The following CBX6 variants were observed in gnomAD, a reference collection of about 807,000 sequenced individuals.
CBX6 encodes chromobox protein homolog 6.
In CBX6, 7 loss-of-function variants were observed where a neutral mutation model predicts 28.4. That is an observed-to-expected ratio of 0.25 (90% CI 0.14 to 0.46). The LOEUF is 0.46. Ranked by LOEUF, CBX6 falls within the 20% of genes least tolerant of loss-of-function variation. CBX6 has a pLI of 0.99. For synonymous variants in CBX6, 297 were observed against 273.4 expected, an observed-to-expected ratio of 1.09 and a Z score of -0.85; for missense variants, 512 against 606.1, an observed-to-expected ratio of 0.84 and a Z score of 1.63.
intron 4 of CBX6, 27 bp from the exon 5 acceptor site, chr22:38,867,228 G>GGGGGGGGGGGGGGGCC: frequency 3.5e-5 from 18 of 518,826 alleles, no homozygotes; most frequent in East Asian, 1.5e-4. Flanking sequence ...GGGTGGGTGG[G>GGGGGGGGGGGGGGGCC]ACCTCAGGAC....
In CBX6 at chr22:38,866,862, C is replaced by A. The variant is rs781638970; in HGVS notation, c.586G>T (p.Ala196Ser). ...GAGGGGACTTTGGGGCGGGCCAGCG[C>A]CCCGGCCCCCTGCCCGGCGCCCCCG... ...GGGGAGQGAGALARPKVPSRN... is the reference protein window; with the variant it reads ...GGGGAGQGAGSLARPKVPSRN... Residue 196 changes from alanine to serine, a missense_variant, in exon 5 of 5, where the codon GCG becomes TCG. Ala to Ser is a moderately conservative substitution (Grantham distance 99). This residue lies in a region of CBX6 where 290 missense variants were observed against 274.1 expected (regional missense o/e 1.06). Coordinates refer to ENST00000407418, the MANE Select transcript of CBX6 (RefSeq NM_014292.5). The surrounding 1 kb of genome is among the most constrained non-coding windows in gnomAD (Gnocchi z 7.5). The A allele has an allele frequency of 1.9e-6, 3 of 1,604,952 alleles. No individual in the cohort carries two copies. Among genetic ancestry groups the A allele is most frequent in the Non-Finnish European group, 2.5e-6 (3 of 1,176,556 alleles).
rs779275191 is a variant in CBX6 at position 38,866,331 on chromosome 22, C to T, written c.1117G>A (p.Val373Ile). 8 of 1,613,872 alleles carry T rather than the reference C, an allele frequency of 5.0e-6. No individual in the cohort carries two copies. The highest frequency in any genetic ancestry group is 6.8e-6 in the Non-Finnish European group (8 of 1,180,002). Reference sequence around the variant, plus strand: ...GTGACCGTCAGGAGGTTGCTGGTGACATCGGTGACGACCACATTGGAGCAG... The same window carrying T: ...GTGACCGTCAGGAGGTTGCTGGTGATATCGGTGACGACCACATTGGAGCAG... ...SPCSNVVVTD[V>I]TSNLLTVTIK... Residue 373 changes from valine (V) to isoleucine (I), a missense_variant, in exon 5 of 5, where the codon GTC becomes ATC. Physicochemically the swap from Val to Ile is conservative, Grantham distance 29. Coordinates refer to ENST00000407418, the MANE Select transcript of CBX6 (RefSeq NM_014292.5). This position sits in a 1 kb window ranked among gnomAD's most constrained non-coding sequence, Gnocchi z 7.5.
chr22:38,868,624 G>A (rs1179569841), intron 4 of CBX6, among the ~76,000 whole-genome samples: 1 of 152,108 alleles, frequency 6.6e-6, no homozygotes, highest in South Asian at 2.1e-4. Context: ...CAAGGGGCGT[G>A]GGTTTTAGAG....
chr22:38,872,075 C>T lies in CBX6; in HGVS notation c.69+47G>A. 7.7e-7 allele frequency: 1 copy of T among 1,303,644 alleles called. No homozygotes were observed. The allele number at this position is 1,303,644 out of a possible 1,614,324, so 80.8% of individuals were successfully genotyped here. A position where few individuals can be genotyped will look rare whatever the true frequency, so the allele number is the denominator to read the frequency against. ...GCTTCGCCCCGAGGGCCCCCGGCCCCGGCCCCGGCTGCGGACAGCGGCGGC... is the reference window on the plus strand; with the variant it reads ...GCTTCGCCCCGAGGGCCCCCGGCCCTGGCCCCGGCTGCGGACAGCGGCGGC... On this transcript the variant is annotated intron_variant, in intron 1 of 4. Coordinates refer to ENST00000407418, the MANE Select transcript of CBX6 (RefSeq NM_014292.5). The surrounding 1 kb of genome is among the most constrained non-coding windows in gnomAD (Gnocchi z 5.0).
At chr22:38,869,230 C>A (rs1212647750) in intron 4 of CBX6, among the ~76,000 whole-genome samples, 3 of 152,316 alleles carry the variant, frequency 2.0e-5, no homozygotes. Context: ...TGCAAACTGC[C>A]TGAGCTTCCT....
rs760632368 is a variant in CBX6 at position 38,872,203 on chromosome 22, C to T, written c.-13G>A. On this transcript the variant is annotated 5_prime_UTR_variant, in exon 1 of 5. Coordinates refer to ENST00000407418, the MANE Select transcript of CBX6 (RefSeq NM_014292.5). The surrounding 1 kb of genome is among the most constrained non-coding windows in gnomAD (Gnocchi z 5.0). ...CAGACAGCTCCATCTTGCTCAGCGG[C>T]ACCCACAGCCCATAATACTCCCTGC... 1 of 1,385,308 alleles carries T rather than the reference C, an allele frequency of 7.2e-7. No homozygotes were observed. Among genetic ancestry groups the T allele is most frequent in the Non-Finnish European group, 9.5e-7 (1 of 1,049,280 alleles). The allele number at this position is 1,385,308 out of a possible 1,614,324, so 85.8% of individuals were successfully genotyped here.
rs768569312 is a variant in CBX6, at chr22:38,866,619, C to G, written c.829G>C (p.Gly277Arg). The G allele has an allele frequency of 7.2e-7, 1 of 1,385,804 alleles. No homozygotes were observed. The highest frequency in any genetic ancestry group is 9.5e-7 in the Non-Finnish European group (1 of 1,057,966). 85.8% of individuals were successfully genotyped at this position (1,385,804 alleles called of 1,614,324 possible). The change falls in exon 5 of 5, where the codon GGC (glycine) becomes CGC (arginine). Residue 277 changes from glycine (G) to arginine (R), a missense_variant. This residue lies in a region of CBX6 where 290 missense variants were observed against 274.1 expected (regional missense o/e 1.06). Transcript: ENST00000407418. The surrounding 1 kb of genome is among the most constrained non-coding windows in gnomAD (Gnocchi z 7.5). ...GACTGTGGTGTAGGCGAGGGGCAGC[C>G]GGAGGAGCCAGAGCTGCGGGCGTCG... ...PYDARSSGSS[G>R]CPSPTPQSSD...
intron 4 of CBX6, among the ~76,000 whole-genome samples, chr22:38,868,748 G>A (rs1016958287): frequency 2.6e-5 from 4 of 152,112 alleles, no homozygotes; most frequent in Non-Finnish European, 5.9e-5. Context: ...AGGTCCATGA[G>A]GGTGGGATCT....
In CBX6 at chr22:38,867,340, G is replaced by T. The variant is rs902873925; in HGVS notation, c.247-139C>A. Reference sequence around the variant, plus strand: ...ATTTAAGATAATCACTGGTCTTCATGACCTCGACTTAGAAAAGGAAACAGA... The same window carrying T: ...ATTTAAGATAATCACTGGTCTTCATTACCTCGACTTAGAAAAGGAAACAGA... On this transcript the variant is annotated intron_variant, in intron 4 of 4. Coordinates refer to ENST00000407418, the MANE Select transcript of CBX6 (RefSeq NM_014292.5). 8 of 770,220 alleles carry T rather than the reference G, an allele frequency of 1.0e-5. No homozygotes were observed. In the Admixed American group the frequency reaches 1.5e-4, roughly 14 times the overall value. The allele number at this position is 770,220 out of a possible 1,614,324, so 47.7% of individuals were successfully genotyped here.
rs1043400826 is a variant in CBX6, at chr22:38,864,960, C to T, written c.*1249G>A. The T allele has an allele frequency of 6.6e-6, 1 of 152,336 alleles. No individual in the cohort carries two copies. Among genetic ancestry groups the T allele is most frequent in the Non-Finnish European group, 1.5e-5 (1 of 68,116 alleles). 9.4% of individuals were successfully genotyped at this position (152,336 alleles called of 1,614,324 possible). On this transcript the variant is annotated 3_prime_UTR_variant, in exon 5 of 5. Coordinates refer to ENST00000407418, the MANE Select transcript of CBX6 (RefSeq NM_014292.5). ...TGGCCTCTGCCACTGGCACGGGTGC[C>T]TCAGCTCCCAGGCAGCAGAGGGAAA... is the stretch of plus-strand genomic sequence containing the variant.
rs928050222 is a variant in CBX6 at position 38,862,004 on chromosome 22, A to G, written c.*4205T>C. 6.6e-6 allele frequency: 1 copy of G among 152,266 alleles called. No homozygotes were observed. The allele number at this position is 152,266 out of a possible 1,614,324, so 9.4% of individuals were successfully genotyped here. A position where few individuals can be genotyped will look rare whatever the true frequency, so the allele number is the denominator to read the frequency against. ...CCTTTGTGTTTTTAAATTAAAACCA[A>G]CAAAAAGAAGTCTCCCTCTCCACTC... On this transcript the variant is annotated 3_prime_UTR_variant, in exon 5 of 5. Transcript: ENST00000407418.
rs764875072 is a variant in CBX6 at position 38,871,578 on chromosome 22, A to T, written c.180-32T>A. The T allele has an allele frequency of 6.8e-6, 11 of 1,613,302 alleles. No individual in the cohort carries two copies. In the East Asian group the frequency reaches 2.5e-4, roughly 36 times the overall value. ...CCGAAAAACACCAGAGGTTAAAAAG[A>T]GCCCCTTCCCGGGCCCCACTCCGCG... On this transcript the variant is annotated intron_variant, in intron 3 of 4. Transcript: ENST00000407418. The surrounding 1 kb of genome is among the most constrained non-coding windows in gnomAD (Gnocchi z 5.6).
chr22:38,866,132 G>T lies in CBX6; in HGVS notation c.*77C>A. ...AAAGCACAGGGAGAGAGGGCTGGGG[G>T]CAAGGGTGGGGTGGGAGCAAGAGTA... On this transcript the variant is annotated 3_prime_UTR_variant, in exon 5 of 5. Transcript: ENST00000407418. The surrounding 1 kb of genome is among the most constrained non-coding windows in gnomAD (Gnocchi z 7.5). The T allele has an allele frequency of 9.5e-7, 1 of 1,048,492 alleles. No individual in the cohort carries two copies. The highest frequency in any genetic ancestry group is 1.4e-6 in the Non-Finnish European group (1 of 721,916). 64.9% of individuals were successfully genotyped at this position (1,048,492 alleles called of 1,614,324 possible). A position where few individuals can be genotyped will look rare whatever the true frequency, so the allele number is the denominator to read the frequency against.
In CBX6 at chr22:38,870,335, C is replaced by T. The variant is rs1164356065; in HGVS notation, c.246+1145G>A. 6.6e-6 allele frequency: 1 copy of T among 152,232 alleles called. No homozygotes were observed. The highest frequency in any genetic ancestry group is 1.9e-4 in the East Asian group (1 of 5,204). The allele number at this position is 152,232 out of a possible 1,614,324, so 9.4% of individuals were successfully genotyped here. ...ATTAGGCCCACAGCCAGCTCAGGAA[C>T]CAAAAGAACTATCAAGAAAAAAAGG... On this transcript the variant is annotated intron_variant, in intron 4 of 4. Transcript: ENST00000407418. This position sits in a 1 kb window ranked among gnomAD's most constrained non-coding sequence, Gnocchi z 4.3.
At chr22:38,869,974 C>T (rs1217720417) in intron 4 of CBX6, 1 of 152,204 alleles carries the variant, frequency 6.6e-6, no homozygotes, top group Non-Finnish European at 1.5e-5. Context: ...TCTCCATAGC[C>T]CCTCACAAAC....
rs763474622 is a variant in CBX6 at position 38,871,568 on chromosome 22, G to A, written c.180-22C>T. On this transcript the variant is annotated intron_variant, in intron 3 of 4. Coordinates refer to ENST00000407418, the MANE Select transcript of CBX6 (RefSeq NM_014292.5). This position sits in a 1 kb window ranked among gnomAD's most constrained non-coding sequence, Gnocchi z 5.6. ...CTCCCTGCGGCCGAAAAACACCAGA[G>A]GTTAAAAAGAGCCCCTTCCCGGGCC... 8 of 1,613,646 alleles carry A rather than the reference G, an allele frequency of 5.0e-6. No homozygotes were observed. Among genetic ancestry groups the A allele is most frequent in the Non-Finnish European group, 6.8e-6 (8 of 1,179,762 alleles).
rs1181895566 is a variant in CBX6 at position 38,863,332 on chromosome 22, C to G, written c.*2877G>C. On this transcript the variant is annotated 3_prime_UTR_variant, in exon 5 of 5. Coordinates refer to ENST00000407418, the MANE Select transcript of CBX6 (RefSeq NM_014292.5). ...TAAGGGGAGATGACGGATGCCCCAA[C>G]CAATATTGAACGTAGGAGGAGATTG... 1 of 152,124 alleles carries G rather than the reference C, an allele frequency of 6.6e-6. No individual in the cohort carries two copies. The highest frequency in any genetic ancestry group is 1.5e-5 in the Non-Finnish European group (1 of 68,032). 9.4% of individuals were successfully genotyped at this position (152,124 alleles called of 1,614,324 possible).
Position 38,871,266 on chromosome 22 carries a change from A to G in CBX6, c.246+214T>C. ...GGTTTCAACAGGGAGGATTATCCCC[A>G]GTCCCAAAACCCTCTTGTTGAAGCT... On this transcript the variant is annotated intron_variant, in intron 4 of 4. Coordinates refer to ENST00000407418, the MANE Select transcript of CBX6 (RefSeq NM_014292.5). The surrounding 1 kb of genome is among the most constrained non-coding windows in gnomAD (Gnocchi z 5.6). 3.2e-6 allele frequency: 2 copies of G among 633,788 alleles called. No homozygotes were observed. Among genetic ancestry groups the G allele is most frequent in the South Asian group, 1.8e-5 (1 of 55,506 alleles). The allele number at this position is 633,788 out of a possible 1,614,324, so 39.3% of individuals were successfully genotyped here.
chr22:38,865,413 G>A lies in CBX6; in HGVS notation c.*796C>T, dbSNP rs1203916590. The A allele has an allele frequency of 6.5e-6, 1 of 152,800 alleles. No individual in the cohort carries two copies. The highest frequency in any genetic ancestry group is 1.5e-5 in the Non-Finnish European group (1 of 68,142). 9.5% of individuals were successfully genotyped at this position (152,800 alleles called of 1,614,324 possible). On this transcript the variant is annotated 3_prime_UTR_variant, in exon 5 of 5. Coordinates refer to ENST00000407418, the MANE Select transcript of CBX6 (RefSeq NM_014292.5). ...AAAGGGTGCCACCCGGCAGCCTGGGGCCTAGCACCCAATGCATGTATGAAC... is the reference window on the plus strand; with the variant it reads ...AAAGGGTGCCACCCGGCAGCCTGGGACCTAGCACCCAATGCATGTATGAAC...
Sources: allele counts gnomAD v4.1 joint callset (sites outside exome capture counted in the v4.1 genomes callset), GRCh38; gene constraint gnomAD v4.1.1; regional missense constraint gnomAD v4.1.1; non-coding constraint Gnocchi (gnomAD v3.1); transcripts MANE v1.5; gene names NCBI Gene and HGNC (gene_info 2026-07-23, HGNC 2026-07-21).